Variants in ABLIM2 observed in about 807,000 individuals in gnomAD.
The protein encoded by ABLIM2 is actin binding LIM protein family member 2, also known as actin-binding LIM protein 2.
In ABLIM2, 53 loss-of-function variants were observed where a neutral mutation model predicts 97.7. The observed-to-expected ratio is 0.54, with a 90% CI of 0.44 to 0.68. ABLIM2 has a LOEUF of 0.68. ABLIM2 is among the 30% of genes least tolerant of loss of function. The pLI is 0.00. For missense variants in ABLIM2, 835 were observed against 867.2 expected (o/e 0.96, Z 0.47); for synonymous variants, 361 against 345.8 (o/e 1.04, Z -0.49).
chr4:8,036,356 C>A (rs924488750), intron 9 of ABLIM2, 61 bp from the exon 10 acceptor site: 1 of 1,576,950 alleles, frequency 6.3e-7, no homozygotes, highest in South Asian at 1.2e-5. Context: ...GAGGGCAGCA[C>A]CCCCAAAGCC....
At chr4:7,981,189 C>T (rs1738083523) in intron 20 of ABLIM2, among the ~76,000 whole-genome samples, 1 of 151,950 alleles carries the variant, frequency 6.6e-6, no homozygotes, top group African/African-American at 2.4e-5. Flanking sequence ...ATGATCTGCC[C>T]ACCTCAGCCT....
chr4:8,023,714 C>T lies in ABLIM2; in HGVS notation c.1268-3411G>A, dbSNP rs73092329. Among the ~76,000 whole-genome samples the T allele has an allele frequency of 0.042, 6,459 of 152,310 alleles. 486 individuals carry two copies. Among genetic ancestry groups the T allele is most frequent in the African/African-American group, 0.15 (6,098 of 41,546 alleles). On this transcript the variant is annotated intron_variant, in intron 12 of 20. Transcript: ENST00000447017. The surrounding 1 kb of genome is among the most constrained non-coding windows in gnomAD (Gnocchi z 5.7). ...TCCTGGAGGACGAGGCATCTACTCC[C>T]GTTATTTGGAATTCCTCTGTGTGGG...
rs557444726 is a variant in ABLIM2 at position 8,095,149 on chromosome 4, G to C, written c.338+1950C>G. Among the ~76,000 whole-genome samples the C allele has an allele frequency of 4.0e-5, 6 of 149,870 alleles. No homozygotes were observed. Among genetic ancestry groups the C allele is most frequent in the South Asian group, 2.1e-4 (1 of 4,736 alleles). ...TACAGGGTCTTGCTCTGTTACCCAGGCTGGAGAGCAGTGGTGCAATCATAG... is the reference window on the plus strand; with the variant it reads ...TACAGGGTCTTGCTCTGTTACCCAGCCTGGAGAGCAGTGGTGCAATCATAG... On this transcript the variant is annotated intron_variant, in intron 3 of 20. Transcript: ENST00000447017. The surrounding 1 kb of genome is among the most constrained non-coding windows in gnomAD (Gnocchi z 4.7).
At chr4:8,110,261 T>C (rs1031472889) in intron 1 of ABLIM2, among the ~76,000 whole-genome samples, 14 of 152,220 alleles carry the variant, frequency 9.2e-5, no homozygotes, top group Admixed American at 3.3e-4. Context: ...CGTCTCTTCA[T>C]GATCCGACAA....
intron 17 of ABLIM2, chr4:7,989,378 C>T (rs1013693942): frequency 5.1e-6 from 5 of 984,346 alleles, no homozygotes; most frequent in Admixed American, 6.2e-5. Flanking sequence ...TTTGCCTGGC[C>T]CCATTTGTTT....
At chr4:8,086,167 T>C (rs1823458470) in intron 4 of ABLIM2, among the ~76,000 whole-genome samples, 3 of 152,030 alleles carry the variant, frequency 2.0e-5, no homozygotes, top group African/African-American at 7.3e-5. Flanking sequence ...GTTACATTAT[T>C]AGTTATCTAG....
chr4:7,966,864 C>CG lies in ABLIM2; in HGVS notation c.*125_*126insC. ...CAGGGGCCGCACCTGCTGGGGGACC[C>CG]CCTCCCGCCCACCCCATGGACACAG... On this transcript the variant is annotated 3_prime_UTR_variant, in exon 21 of 21. Coordinates refer to ENST00000447017, the MANE Select transcript of ABLIM2 (RefSeq NM_001130083.2). 5.3e-6 allele frequency: 1 copy of CG among 187,018 alleles called. No individual in the cohort carries two copies. The highest frequency in any genetic ancestry group is 8.8e-5 in the South Asian group (1 of 11,348). 11.6% of individuals were successfully genotyped at this position (187,018 alleles called of 1,614,324 possible). A position where few individuals can be genotyped will look rare whatever the true frequency, so the allele number is the denominator to read the frequency against.
At position 8,023,256 on chromosome 4, in the gene ABLIM2, G is replaced by T. The variant is rs1031291012; in HGVS notation, c.1268-2953C>A. The T allele has an allele frequency of 6.6e-6, 1 of 152,250 alleles. No individual in the cohort carries two copies. The highest frequency in any genetic ancestry group is 2.4e-5 in the African/African-American group (1 of 41,464). The allele number at this position is 152,250 out of a possible 1,614,324, so 9.4% of individuals were successfully genotyped here. On this transcript the variant is annotated intron_variant, in intron 12 of 20. Transcript: ENST00000447017. This position sits in a 1 kb window ranked among gnomAD's most constrained non-coding sequence, Gnocchi z 5.7. Reference sequence around the variant, plus strand: ...CCGCACGGGATTCGGGTTTCCCCGGGTGTCACCTGATGTTCTTCCGCTCCA... The same window carrying T: ...CCGCACGGGATTCGGGTTTCCCCGGTTGTCACCTGATGTTCTTCCGCTCCA...
At chr4:7,978,462 A>G (rs1219787519) in intron 20 of ABLIM2, among the ~76,000 whole-genome samples, 2 of 152,202 alleles carry the variant, frequency 1.3e-5, no homozygotes, top group Admixed American at 6.5e-5. Flanking sequence ...AAAAAAAGTG[A>G]AATAGAAGTC....
At chr4:8,051,202 G>A (rs1304287534) in intron 8 of ABLIM2, among the ~76,000 whole-genome samples, 5 of 152,224 alleles carry the variant, frequency 3.3e-5, no homozygotes, top group African/African-American at 9.6e-5. Flanking sequence ...CTGTGGCCGC[G>A]GAGCTCCCTT....
At chr4:8,020,586 T>A (rs1329047744) in intron 12 of ABLIM2, 1 of 512,514 alleles carries the variant, frequency 2.0e-6, no homozygotes, top group Non-Finnish European at 3.5e-6. Context: ...AAGAACACCT[T>A]AGGGGGCTCA....
rs1711817599 is a variant in ABLIM2, at chr4:8,149,431, G to C, written c.10+9249C>G. Among the ~76,000 whole-genome samples the C allele has an allele frequency of 6.6e-6, 1 of 152,062 alleles. No individual in the cohort carries two copies. The highest frequency in any genetic ancestry group is 2.4e-5 in the African/African-American group (1 of 41,402). On this transcript the variant is annotated intron_variant, in intron 1 of 20. Transcript: ENST00000447017. This position sits in a 1 kb window ranked among gnomAD's most constrained non-coding sequence, Gnocchi z 6.4. ...CAGAGAGGGCAGGTCCCAGCTCCAGGCTGCAGAGCAGGCAGGAGCAGGCAC... is the reference window on the plus strand; with the variant it reads ...CAGAGAGGGCAGGTCCCAGCTCCAGCCTGCAGAGCAGGCAGGAGCAGGCAC...
chr4:8,053,826 A>G (rs1797428631), intron 8 of ABLIM2, among the ~76,000 whole-genome samples: 1 of 151,832 alleles, frequency 6.6e-6, no homozygotes, highest in African/African-American at 2.4e-5. Context: ...CTCTTTGTTC[A>G]TGAGTTCCCG....
intron 3 of ABLIM2, among the ~76,000 whole-genome samples, chr4:8,092,017 A>T (rs1829112079): frequency 7.0e-6 from 1 of 143,422 alleles, no homozygotes; most frequent in African/African-American, 2.6e-5. Flanking sequence ...ATATTTTTTG[A>T]GACAGAGTCT....
intron 2 of ABLIM2, among the ~76,000 whole-genome samples, chr4:8,098,331 A>C (rs909349272): frequency 2.6e-5 from 4 of 152,230 alleles, no homozygotes; most frequent in African/African-American, 9.6e-5. Context: ...CCTGACATCT[A>C]AAAGTTTTCA....
chr4:8,094,395 C>G (rs1354854730), intron 3 of ABLIM2, among the ~76,000 whole-genome samples: 1 of 152,196 alleles, frequency 6.6e-6, no homozygotes, highest in African/African-American at 2.4e-5. Flanking sequence ...AGACTCACGT[C>G]TCCAACAACT....
chr4:8,072,417 G>A lies in ABLIM2; in HGVS notation c.675+5211C>T, dbSNP rs957480995. On this transcript the variant is annotated intron_variant, in intron 6 of 20. Transcript: ENST00000447017. This position sits in a 1 kb window ranked among gnomAD's most constrained non-coding sequence, Gnocchi z 5.8. ...TGGGTGGGGTCTGCCCCCGACCCCA[G>A]GCCAGGGCCTCTCTGGTGTGGGGGC... Among the ~76,000 whole-genome samples, 1 of 152,232 alleles carries A rather than the reference G, an allele frequency of 6.6e-6. No homozygotes were observed. The highest frequency in any genetic ancestry group is 1.5e-5 in the Non-Finnish European group (1 of 68,054).
chr4:8,052,650 C>T (rs1017014365), intron 8 of ABLIM2, among the ~76,000 whole-genome samples: 4 of 152,210 alleles, frequency 2.6e-5, no homozygotes, highest in Non-Finnish European at 4.4e-5. Context: ...GTGCAGGCCT[C>T]CAGCCCTGCC....
At chr4:7,983,644 CCT>C (rs1263913912) in intron 18 of ABLIM2, 90 bp from the exon 19 acceptor site, 8 of 1,487,628 alleles carry the variant, frequency 5.4e-6, no homozygotes, top group South Asian at 2.4e-5. Flanking sequence ...CTGGGGTACC[CCT>C]GTCTCCCCCC....
Sources: allele counts gnomAD v4.1 joint callset (sites outside exome capture counted in the v4.1 genomes callset), GRCh38; gene constraint gnomAD v4.1.1; non-coding constraint Gnocchi (gnomAD v3.1); transcripts MANE v1.5; gene names NCBI Gene and HGNC (gene_info 2026-07-23, HGNC 2026-07-21).